The following DLC1 variants were observed in gnomAD, a reference collection of about 807,000 sequenced individuals.
DLC1 encodes the protein DLC1 Rho GTPase activating protein, also known as rho GTPase-activating protein 7.
In DLC1, 54 loss-of-function variants were observed where a neutral mutation model predicts 140.3. The observed-to-expected ratio is 0.38, with a 90% confidence interval of 0.31 to 0.48. The LOEUF (loss-of-function observed/expected upper bound fraction) is 0.48. Among genes scored for constraint, DLC1 ranks in the 20% least tolerant of loss-of-function variants. DLC1 has a pLI of 0.96. For missense variants in DLC1, 2,536 were observed against 1,907.0 expected (o/e 1.33, Z -6.14); for synonymous variants, 986 against 728.1 (o/e 1.35, Z -5.70).
intron 4 of DLC1, among the ~76,000 whole-genome samples, chr8:13,345,237 T>C (rs2117003553): frequency 1.3e-5 from 2 of 152,258 alleles, no homozygotes; most frequent in South Asian, 4.2e-4. Flanking sequence ...TGTAAAACTG[T>C]TTCTCCTTCC....
At chr8:13,468,339 T>TGCCCC (rs1563373506) in intron 2 of DLC1, among the ~76,000 whole-genome samples, 1 of 59,894 alleles carries the variant, frequency 1.7e-5, no homozygotes. Context: ...CTTCCCCCCA[T>TGCCCC]TCCCCTCCCC....
chr8:13,522,653 A>G (rs1563418768), intron 1 of DLC1, among the ~76,000 whole-genome samples: 1 of 151,928 alleles, frequency 6.6e-6, no homozygotes, highest in Non-Finnish European at 1.5e-5. Context: ...CAAATAAATA[A>G]ATATAAAAAT....
At chr8:13,183,645 C>G (rs975445379) in intron 5 of DLC1, among the ~76,000 whole-genome samples, 4 of 152,112 alleles carry the variant, frequency 2.6e-5, no homozygotes, top group Non-Finnish European at 5.9e-5. Flanking sequence ...TTGAACCAGC[C>G]TTGCATTCCA....
chr8:13,120,573 G>A (rs751366028), intron 5 of DLC1, among the ~76,000 whole-genome samples: 18 of 151,646 alleles, frequency 1.2e-4, no homozygotes, highest in Middle Eastern at 3.4e-3. Context: ...AAATTACGAG[G>A]ATGATTTTTT....
intron 5 of DLC1, among the ~76,000 whole-genome samples, chr8:13,227,185 GTTA>G (rs1828832122): frequency 6.6e-6 from 1 of 152,120 alleles, no homozygotes; most frequent in Non-Finnish European, 1.5e-5. Context: ...AGTGATAATT[GTTA>G]TTAGTGATAA....
At chr8:13,353,885 A>G (rs1231371758) in intron 4 of DLC1, among the ~76,000 whole-genome samples, 3 of 152,068 alleles carry the variant, frequency 2.0e-5, no homozygotes, top group South Asian at 4.2e-4. Flanking sequence ...ATTTTTCTCA[A>G]ATACTTTGTA....
At chr8:13,408,642 G>T (rs752224751) in intron 2 of DLC1, among the ~76,000 whole-genome samples, 1 of 152,162 alleles carries the variant, frequency 6.6e-6, no homozygotes, top group Non-Finnish European at 1.5e-5. Flanking sequence ...TCGTAAGTAT[G>T]CTGGAACCAG....
chr8:13,530,982 A>C (rs887547131), intron 1 of DLC1, among the ~76,000 whole-genome samples: 2 of 152,160 alleles, frequency 1.3e-5, no homozygotes, highest in African/African-American at 2.4e-5. Context: ...CATTTGGGAG[A>C]CAATTAGATT....
chr8:13,412,700 G>A (rs560070561), intron 2 of DLC1, among the ~76,000 whole-genome samples: 1 of 152,044 alleles, frequency 6.6e-6, no homozygotes, highest in South Asian at 2.1e-4. Context: ...TTGGGAGGCC[G>A]AGGTGGGCGA....
At chr8:13,556,633 C>G (rs1008956009) in intron 1 of DLC1, among the ~76,000 whole-genome samples, 2 of 152,068 alleles carry the variant, frequency 1.3e-5, no homozygotes, top group African/African-American at 4.8e-5. Context: ...AGACAATGTA[C>G]CAAGTAGTAG....
intron 1 of DLC1, among the ~76,000 whole-genome samples, chr8:13,583,195 C>T (rs1759505703): frequency 6.6e-6 from 1 of 152,114 alleles, no homozygotes; most frequent in Non-Finnish European, 1.5e-5. Flanking sequence ...GCATGAGATG[C>T]TGTTTGATAG....
chr8:13,227,134 CACCA>C (rs1828830035), intron 5 of DLC1, among the ~76,000 whole-genome samples: 1 of 152,106 alleles, frequency 6.6e-6, no homozygotes, highest in Non-Finnish European at 1.5e-5. Flanking sequence ...GCAATCCTCC[CACCA>C]CTATTAATAT....
intron 10 of DLC1, among the ~76,000 whole-genome samples, chr8:13,098,188 G>A (rs1016281779): frequency 6.6e-5 from 10 of 151,986 alleles, no homozygotes; most frequent in African/African-American, 2.4e-4. Context: ...TCGCACCACT[G>A]CACCGCACTC....
At chr8:13,461,360 C>T (rs959654257) in intron 2 of DLC1, among the ~76,000 whole-genome samples, 2 of 152,312 alleles carry the variant, frequency 1.3e-5, no homozygotes, top group South Asian at 4.1e-4. Context: ...CACAATATGT[C>T]TGAACATTTA....
intron 16 of DLC1, 143 bp from the exon 17 acceptor site, chr8:13,086,606 C>G: frequency 1.2e-6 from 1 of 856,652 alleles, no homozygotes; most frequent in Middle Eastern, 2.7e-4. Context: ...AGGTAAATGG[C>G]ATCCTCTAAA....
At chr8:13,342,095 C>G (rs540333854) in intron 4 of DLC1, 1 of 152,144 alleles carries the variant, frequency 6.6e-6, no homozygotes, top group Non-Finnish European at 1.5e-5. Flanking sequence ...AAAACAAAAA[C>G]TATTTCTGAT....
intron 2 of DLC1, among the ~76,000 whole-genome samples, chr8:13,495,972 G>A (rs1339920249): frequency 6.6e-6 from 1 of 152,150 alleles, no homozygotes; most frequent in East Asian, 1.9e-4. Flanking sequence ...ATCAGATAAT[G>A]AGCTGATTAC....
At chr8:13,394,715 C>T (rs1372710397) in intron 3 of DLC1, among the ~76,000 whole-genome samples, 1 of 152,168 alleles carries the variant, frequency 6.6e-6, no homozygotes, top group African/African-American at 2.4e-5. Flanking sequence ...CCCAACTCTC[C>T]AGTCTTAGCT....
intron 5 of DLC1, among the ~76,000 whole-genome samples, chr8:13,182,774 T>C (rs1352777172): frequency 6.6e-6 from 1 of 152,212 alleles, no homozygotes; most frequent in Non-Finnish European, 1.5e-5. Context: ...AGCTTTGTTC[T>C]TTTTGCTTAG....
Sources: allele counts gnomAD v4.1 joint callset (sites outside exome capture counted in the v4.1 genomes callset), GRCh38; gene constraint gnomAD v4.1.1; transcripts MANE v1.5; gene names NCBI Gene and HGNC (gene_info 2026-07-23, HGNC 2026-07-21).